NAA10: variants seen among roughly 807,000 people sequenced by gnomAD.
The protein encoded by NAA10 is N-alpha-acetyltransferase 10.
In NAA10, 6 loss-of-function variants were observed where a neutral mutation model predicts 19.2. That is an observed-to-expected ratio of 0.31 (90% CI 0.17 to 0.62). The LOEUF (loss-of-function observed/expected upper bound fraction) is 0.62. NAA10 is among the 20% of genes least tolerant of loss of function. The pLI is 0.83. For missense variants in NAA10, 101 were observed against 198.4 expected (o/e 0.51, Z 2.95); for synonymous variants, 97 against 79.9 (o/e 1.21, Z -1.14).
rs1431280131 is a variant in NAA10 at position 153,934,307 on chromosome X, C to T, written c.120+70G>A. 20 of 932,956 alleles carry T rather than the reference C, an allele frequency of 2.1e-5. No individual in the cohort carries two copies. In the Admixed American group the frequency reaches 4.7e-4, roughly 22 times the overall value. The allele number at this position is 932,956 out of a possible 1,213,427, so 76.9% of individuals were successfully genotyped here. A position where few individuals can be genotyped will look rare whatever the true frequency, so the allele number is the denominator to read the frequency against. Reference sequence around the variant, plus strand: ...TGGGCTCTGACAGACTTGTCCACTCCCTCCAAGATGGCCAGATGGGATTTT... The same window carrying T: ...TGGGCTCTGACAGACTTGTCCACTCTCTCCAAGATGGCCAGATGGGATTTT... On this transcript the variant is annotated intron_variant, in intron 2 of 7. Coordinates refer to ENST00000464845, the MANE Select transcript of NAA10 (RefSeq NM_003491.4).
At chrX:153,931,060 T>G (rs782074128) in intron 6 of NAA10, 1 of 1,130,570 alleles carries the variant, frequency 8.8e-7, no homozygotes, top group East Asian at 3.4e-5. Flanking sequence ...GCCCCCGTTC[T>G]GTGTCCTTAG....
Position 153,930,221 on chromosome X carries a change from C to T in NAA10, c.474G>A (p.Leu158=), listed in dbSNP as rs782134851. The change falls in exon 8 of 8, where the codon CTG becomes CTA. Residue 158 remains leucine (L), a splice_region_variant and synonymous_variant. Coordinates refer to ENST00000464845, the MANE Select transcript of NAA10 (RefSeq NM_003491.4). ...TCTCTTTCAGCTCCAGGTGCCGCCT[C>T]AGCTGCCACCAGGAACCCAGGGAGA... ...KRDLTQMADE[L]RRHLELKEKG... The T allele has an allele frequency of 8.3e-5, 100 of 1,202,908 alleles. No individual in the cohort carries two copies. The highest frequency in any genetic ancestry group is 1.0e-4 in the Non-Finnish European group (93 of 889,443).
intron 2 of NAA10, 163 bp downstream of exon 2, chrX:153,934,214 G>T: frequency 1.8e-6 from 1 of 562,309 alleles, no homozygotes; most frequent in South Asian, 2.6e-5. Flanking sequence ...CCCTTCGGGC[G>T]CCTTCTTTTC....
chrX:153,934,334 C>T, intron 2 of NAA10, 43 bp downstream of exon 2: 1 of 1,076,844 alleles, frequency 9.3e-7, no homozygotes. Flanking sequence ...TGGGATTTTC[C>T]TCGGCCTGCT....
chrX:153,930,765 C>T lies in NAA10; in HGVS notation c.469G>A (p.Glu157Lys), dbSNP rs1557107264. 2 of 1,211,655 alleles carry T rather than the reference C, an allele frequency of 1.7e-6. No homozygotes were observed. The highest frequency in any genetic ancestry group is 2.2e-6 in the Non-Finnish European group (2 of 895,289). Residue 157 changes from glutamate to lysine, a missense_variant and splice_region_variant, in exon 7 of 8, where the codon GAG becomes AAG. By Grantham distance (56) the Glu-to-Lys change is moderately conservative. Coordinates refer to ENST00000464845, the MANE Select transcript of NAA10 (RefSeq NM_003491.4). ...CTTGGCTTCATGCAGGCGCTTACCT[C>T]GTCGGCCATCTGAGTGAGGTCCCGC... ...MKRDLTQMAD[E>K]LRRHLELKEK...
intron 3 of NAA10, 123 bp from the exon 4 acceptor site, chrX:153,932,707 C>G (rs2148535501): frequency 3.0e-6 from 2 of 671,339 alleles, no homozygotes; most frequent in African/African-American, 4.3e-5. Flanking sequence ...TGGGGGAGAG[C>G]CGGGAGCCTC....
Position 153,935,004 on chromosome X carries a change from G to A in NAA10, c.-100C>T, listed in dbSNP as rs1331233193. On this transcript the variant is annotated 5_prime_UTR_variant, in exon 1 of 8. Transcript: ENST00000464845. ...CGGGACGGCCGGGGCTGGGACCGGAGCTGGGCTCGCTGGGCGACGGCGGAA... is the reference window on the plus strand; with the variant it reads ...CGGGACGGCCGGGGCTGGGACCGGAACTGGGCTCGCTGGGCGACGGCGGAA... 5.2e-6 allele frequency: 4 copies of A among 770,886 alleles called. No homozygotes were observed. Among genetic ancestry groups the A allele is most frequent in the African/African-American group, 4.5e-5 (2 of 44,892 alleles). The allele number at this position is 770,886 out of a possible 1,213,427, so 63.5% of individuals were successfully genotyped here. A position where few individuals can be genotyped will look rare whatever the true frequency, so the allele number is the denominator to read the frequency against.
intron 3 of NAA10, 114 bp from the exon 4 acceptor site, chrX:153,932,698 G>A (rs913097128): frequency 1.4e-6 from 1 of 729,419 alleles, no homozygotes; most frequent in Non-Finnish European, 2.1e-6. Flanking sequence ...GACCCCAGCT[G>A]GGGGAGAGCC....
chrX:153,929,940 G>A lies in NAA10; in HGVS notation c.*47C>T, dbSNP rs2071128. The A allele has an allele frequency of 0.18, 192,753 of 1,100,049 alleles. 18,013 individuals are homozygous for A. The highest frequency in any genetic ancestry group is 0.66 in the East Asian group (21,957 of 33,168). 90.7% of individuals were successfully genotyped at this position (1,100,049 alleles called of 1,213,427 possible). ...ACAAAGTTCCCCAGTGCCACGGAGC[G>A]AATTTATTGTGAAAGCTCGTGGGGT... On this transcript the variant is annotated 3_prime_UTR_variant, in exon 8 of 8. Transcript: ENST00000464845.
chrX:153,934,973 C>A lies in NAA10; in HGVS notation c.-69G>T, dbSNP rs1478469140. 10 of 922,553 alleles carry A rather than the reference C, an allele frequency of 1.1e-5. No individual in the cohort carries two copies. The Admixed American group carries it at 3.2e-4, about 29-fold the overall frequency. The allele number at this position is 922,553 out of a possible 1,213,427, so 76.0% of individuals were successfully genotyped here. ...AGTCAGCTGCCGCCGCGCTCCGAAG[C>A]GACGCCGGGACGGCCGGGGCTGGGA... On this transcript the variant is annotated 5_prime_UTR_variant, in exon 1 of 8. Coordinates refer to ENST00000464845, the MANE Select transcript of NAA10 (RefSeq NM_003491.4).
At chrX:153,934,267 G>A in intron 2 of NAA10, 110 bp downstream of exon 2, 6 of 716,507 alleles carry the variant, frequency 8.4e-6, no homozygotes, top group South Asian at 4.6e-5. Flanking sequence ...GGACGCCACC[G>A]ACCATACAGC....
chrX:153,931,151 G>A (rs1406454580), intron 6 of NAA10: 1 of 999,232 alleles, frequency 1.0e-6, no homozygotes, highest in Non-Finnish European at 1.3e-6. Context: ...TCCCTGCCCT[G>A]CGCCCTGTCC....
chrX:153,930,671 G>T, intron 7 of NAA10, 92 bp downstream of exon 7: 1 of 953,263 alleles, frequency 1.0e-6, no homozygotes, highest in Non-Finnish European at 1.5e-6. Context: ...CACAAGAGCT[G>T]GCATCCAAAG....
intron 6 of NAA10, chrX:153,931,832 GCTCCTCCATCA>G (rs2065168130): frequency 9.1e-7 from 1 of 1,094,685 alleles, no homozygotes; most frequent in Admixed American, 3.4e-5. Flanking sequence ...ATGGGCCAGA[GCTCCTCCATCA>G]CAACACATGG....
chrX:153,930,740 C>T (rs782182728), intron 7 of NAA10, 23 bp downstream of exon 7: 24 of 1,207,689 alleles, frequency 2.0e-5, no homozygotes, highest in Non-Finnish European at 2.6e-5. Context: ...GCTCGCCTTG[C>T]TTGGCTTCAT....
At chrX:153,930,372 C>G in intron 7 of NAA10, 149 bp from the exon 8 acceptor site, 1 of 543,258 alleles carries the variant, frequency 1.8e-6, no homozygotes, top group Non-Finnish European at 3.2e-6. Context: ...GTGGGGACAC[C>G]TGGCTGGAGC....
chrX:153,934,240 C>G, intron 2 of NAA10, 137 bp downstream of exon 2: 1 of 611,837 alleles, frequency 1.6e-6, no homozygotes, highest in South Asian at 2.4e-5. Context: ...CCCCTGTCTG[C>G]CAGCTGAAAA....
At chrX:153,934,648 G>T in intron 1 of NAA10, 173 bp from the exon 2 acceptor site, 1 of 559,775 alleles carries the variant, frequency 1.8e-6, no homozygotes, top group Non-Finnish European at 3.0e-6. Context: ...GGGCGCCCCG[G>T]AGGTCCCCGG....
chrX:153,934,970 A>C lies in NAA10; in HGVS notation c.-66T>G. On this transcript the variant is annotated 5_prime_UTR_variant, in exon 1 of 8. Transcript: ENST00000464845. ...CGCAGTCAGCTGCCGCCGCGCTCCG[A>C]AGCGACGCCGGGACGGCCGGGGCTG... 1 of 929,505 alleles carries C rather than the reference A, an allele frequency of 1.1e-6. No homozygotes were observed. Among genetic ancestry groups the C allele is most frequent in the Non-Finnish European group, 1.4e-6 (1 of 738,555 alleles). The allele number at this position is 929,505 out of a possible 1,213,427, so 76.6% of individuals were successfully genotyped here.
Sources: gnomAD v4.1 joint callset for allele counts on GRCh38, gnomAD v4.1.1 for gene constraint, MANE v1.5 for transcripts, NCBI Gene and HGNC (gene_info 2026-07-23, HGNC 2026-07-21) for gene names.